Variants in MYO3A observed in about 807,000 individuals in gnomAD.
The protein encoded by MYO3A is myosin IIIA.
In MYO3A, 180 loss-of-function variants were observed where a neutral mutation model predicts 192.7. The observed-to-expected ratio is 0.93, with a 90% CI of 0.83 to 1.06. The LOEUF (loss-of-function observed/expected upper bound fraction) is 1.06, where lower values mean the gene tolerates loss of function less well. Among genes scored for constraint, MYO3A ranks in the 50% least tolerant of loss-of-function variants. The pLI, the probability that MYO3A is intolerant of heterozygous loss-of-function variation, is 0.00. For missense variants in MYO3A, 1,896 were observed against 1,905.0 expected (o/e 1.00, Z 0.09); for synonymous variants, 628 against 645.3 (o/e 0.97, Z 0.41).
Position 26,032,630 on chromosome 10 carries a change from C to CA in MYO3A, c.953+6108dup, listed in dbSNP as rs1224220516. ...GACTCCATCTCAAAAAACAAAAAAACAAAAAAAAAACCAACAAAAAAAACA... is the reference window on the plus strand; with the variant it reads ...GACTCCATCTCAAAAAACAAAAAAACAAAAAAAAAAACCAACAAAAAAAACA... On this transcript the variant is annotated intron_variant, in intron 10 of 34. Transcript: ENST00000642920. 6.7e-3 allele frequency among the ~76,000 whole-genome samples: 971 copies of CA among 144,554 alleles called. 5 individuals carry two copies. The highest frequency in any genetic ancestry group is 0.028 in the Middle Eastern group (8 of 282). 94.8% of individuals were successfully genotyped at this position (144,554 alleles called of 152,430 possible). A position where few individuals can be genotyped will look rare whatever the true frequency, so the allele number is the denominator to read the frequency against.
Position 26,200,077 on chromosome 10 carries a change from C to T in MYO3A, c.4546-1188C>T, listed in dbSNP as rs983771087. On this transcript the variant is annotated intron_variant, in intron 32 of 34. Transcript: ENST00000642920. ...ATCAAGAATGTGAAGTGACAGGAAA[C>T]GGGAGAACAGGAATGTAATTGATAT... 1.1e-4 allele frequency among the ~76,000 whole-genome samples: 17 copies of T among 152,156 alleles called. 1 individual carries two copies. The highest frequency in any genetic ancestry group is 7.7e-4 in the East Asian group (4 of 5,194).
At chr10:25,947,653 A>G (rs957653005) in intron 2 of MYO3A, among the ~76,000 whole-genome samples, 2 of 152,064 alleles carry the variant, frequency 1.3e-5, no homozygotes, top group Admixed American at 1.3e-4. Flanking sequence ...TCTACCTCCC[A>G]AAGTGTTGGG....
intron 15 of MYO3A, among the ~76,000 whole-genome samples, chr10:26,092,406 C>G (rs925158478): frequency 1.3e-5 from 2 of 151,280 alleles, no homozygotes; most frequent in Non-Finnish European, 2.9e-5. Context: ...GCAGAGCTTG[C>G]AGTGAGCCAA....
intron 20 of MYO3A, among the ~76,000 whole-genome samples, chr10:26,136,395 C>T (rs182118018): frequency 6.6e-6 from 1 of 152,210 alleles, no homozygotes; most frequent in African/African-American, 2.4e-5. Flanking sequence ...ACATTGTTCC[C>T]CAGGTGTAAG....
chr10:26,037,950 A>C (rs183577181), intron 10 of MYO3A, among the ~76,000 whole-genome samples: 1 of 152,174 alleles, frequency 6.6e-6, no homozygotes. Flanking sequence ...ATAATTCAAC[A>C]TGAGATTTGG....
At chr10:26,176,642 C>T (rs1373515947) in intron 30 of MYO3A, 59 bp from the exon 31 acceptor site, 1 of 1,519,780 alleles carries the variant, frequency 6.6e-7, no homozygotes, top group Non-Finnish European at 9.1e-7. Context: ...CCCCCGGTGC[C>T]TGCAGAACTC....
At chr10:26,052,163 T>C (rs1223695123) in intron 10 of MYO3A, among the ~76,000 whole-genome samples, 1 of 152,204 alleles carries the variant, frequency 6.6e-6, no homozygotes, top group African/African-American at 2.4e-5. Flanking sequence ...ATTAAGGGTG[T>C]GGGTACACAA....
intron 4 of MYO3A, among the ~76,000 whole-genome samples, chr10:25,992,668 T>A (rs1237679230): frequency 1.3e-5 from 2 of 152,158 alleles, no homozygotes; most frequent in Admixed American, 1.3e-4. Context: ...GCTCATTATT[T>A]TGAGATATGT....
At chr10:26,043,139 G>A (rs1263614960) in intron 10 of MYO3A, among the ~76,000 whole-genome samples, 1 of 139,108 alleles carries the variant, frequency 7.2e-6, no homozygotes, top group South Asian at 2.4e-4. Flanking sequence ...TGTACTTTCT[G>A]CCAAACAGAG....
intron 10 of MYO3A, among the ~76,000 whole-genome samples, chr10:26,028,971 A>G (rs1279783637): frequency 6.6e-6 from 1 of 152,216 alleles, no homozygotes. Flanking sequence ...ACCATCCTGG[A>G]CACCAGATAA....
At chr10:26,102,518 C>T (rs555714521) in intron 17 of MYO3A, among the ~76,000 whole-genome samples, 37 of 152,244 alleles carry the variant, frequency 2.4e-4, no homozygotes, top group Middle Eastern at 3.4e-3. Flanking sequence ...CTAGTTTCTC[C>T]CCATCTTTGT....
chr10:25,947,495 G>A (rs1193221460), intron 2 of MYO3A, among the ~76,000 whole-genome samples: 2 of 147,734 alleles, frequency 1.4e-5, no homozygotes, highest in Non-Finnish European at 3.0e-5. Flanking sequence ...CCGGGTTCAA[G>A]CGATTCTCCT....
At position 26,166,056 on chromosome 10, in the gene MYO3A, T is replaced by C. The variant is rs375346333; in HGVS notation, c.3000-11T>C. The C allele has an allele frequency of 4.9e-4, 795 of 1,611,678 alleles. No individual in the cohort carries two copies. The highest frequency in any genetic ancestry group is 6.2e-4 in the Non-Finnish European group (726 of 1,177,890). On this transcript the variant is annotated splice_polypyrimidine_tract_variant and intron_variant, in intron 26 of 34. Coordinates refer to ENST00000642920, the MANE Select transcript of MYO3A (RefSeq NM_017433.5). The stretch of plus-strand genomic sequence containing the variant: ...TATGCAATACTAACCAGCCCTTTTT[T>C]CCATTCCAAGGTACTACCTTCTCTG...
chr10:26,153,207 C>T (rs1840905992), intron 23 of MYO3A, among the ~76,000 whole-genome samples: 1 of 152,182 alleles, frequency 6.6e-6, no homozygotes. Flanking sequence ...GTGAGGAAAT[C>T]ACCATTATTC....
chr10:25,990,417 A>G (rs994082634), intron 4 of MYO3A, among the ~76,000 whole-genome samples: 2 of 152,154 alleles, frequency 1.3e-5, no homozygotes, highest in African/African-American at 4.8e-5. Flanking sequence ...TAAATCAATA[A>G]TGCTTTTAAG....
intron 4 of MYO3A, among the ~76,000 whole-genome samples, chr10:25,980,097 C>T (rs1047103523): frequency 3.3e-5 from 5 of 152,070 alleles, no homozygotes; most frequent in East Asian, 1.9e-4. Flanking sequence ...ATTAGCCAGG[C>T]GTGGTGGCAG....
chr10:26,116,401 A>G (rs1018010621), intron 17 of MYO3A, among the ~76,000 whole-genome samples: 3 of 152,156 alleles, frequency 2.0e-5, no homozygotes, highest in Non-Finnish European at 1.5e-5. Context: ...GTGTTCTTTT[A>G]AACAGACACC....
At chr10:26,194,435 G>A (rs1186522650) in intron 32 of MYO3A, among the ~76,000 whole-genome samples, 2 of 152,100 alleles carry the variant, frequency 1.3e-5, no homozygotes, top group Admixed American at 6.5e-5. Context: ...TCATGCTCCC[G>A]AGGCCTTTGC....
Position 26,157,477 on chromosome 10 carries a change from A to C in MYO3A, c.2961A>C (p.Gly987=), listed in dbSNP as rs1178707041. The C allele has an allele frequency of 6.8e-6, 11 of 1,614,144 alleles. No individual in the cohort carries two copies. Among genetic ancestry groups the C allele is most frequent in the Non-Finnish European group, 9.3e-6 (11 of 1,180,004 alleles). Residue 987 remains glycine, a synonymous_variant, in exon 26 of 35, where the codon GGA becomes GGC. Coordinates refer to ENST00000642920, the MANE Select transcript of MYO3A (RefSeq NM_017433.5). The part of the protein sequence containing the change: ...ILETARIRRL[G]FSHRILFANF... ...AAACAGCAAGAATTCGAAGACTAGG[A>C]TTCTCCCATCGGATACTTTTTGCTA... is the stretch of plus-strand genomic sequence containing the variant.
Sources: allele counts gnomAD v4.1 joint callset (sites outside exome capture counted in the v4.1 genomes callset), GRCh38; gene constraint gnomAD v4.1.1; transcripts MANE v1.5; gene names NCBI Gene and HGNC (gene_info 2026-07-23, HGNC 2026-07-21).